The following CCDC178 variants were observed in gnomAD, a reference collection of about 807,000 sequenced individuals.
CCDC178 encodes the protein coiled-coil domain containing 178.
A neutral mutation model predicts 117.4 loss-of-function variants in CCDC178; 126 were observed. The ratio of observed to expected loss-of-function variants is 1.07; its 90% CI spans 0.93 to 1.24. The LOEUF (loss-of-function observed/expected upper bound fraction) is 1.24, where lower values mean the gene tolerates loss of function less well. CCDC178 is among the 50% of genes most tolerant of loss of function. CCDC178 has a pLI of 0.00. For synonymous variants in CCDC178, 283 were observed against 313.4 expected (o/e 0.90, Z 1.02); for missense variants, 1,030 against 986.9 (o/e 1.04, Z -0.59).
chr18:33,304,274 GCCATCACATTGCT>G (rs1249445345), intron 11 of CCDC178, among the ~76,000 whole-genome samples: 23 of 152,082 alleles, frequency 1.5e-4, no homozygotes, highest in Admixed American at 9.2e-4. Context: ...AAATACTTCT[GCCATCACATTGCT>G]GGTTGTTGGC....
intron 20 of CCDC178, among the ~76,000 whole-genome samples, chr18:33,179,074 A>T (rs1598967278): frequency 3.2e-5 from 3 of 93,280 alleles, no homozygotes; most frequent in Admixed American, 2.3e-4. Context: ...AAAAAAAAAA[A>T]AAAAATATAT....
chr18:33,201,900 G>T (rs1209831263), intron 20 of CCDC178, among the ~76,000 whole-genome samples: 1 of 152,120 alleles, frequency 6.6e-6, no homozygotes, highest in Non-Finnish European at 1.5e-5. Context: ...ATAGAAAAGA[G>T]CTGAGAAACA....
intron 5 of CCDC178, among the ~76,000 whole-genome samples, chr18:33,388,537 T>TTTTTTTTTTTTTG (rs2063524675): frequency 8.6e-6 from 1 of 115,850 alleles, no homozygotes; most frequent in African/African-American, 3.3e-5. Context: ...TTTTTTTTTT[T>TTTTTTTTTTTTTG]GAGACGGAGT....
At chr18:32,947,468 C>G (rs1254723522) in intron 22 of CCDC178, among the ~76,000 whole-genome samples, 1 of 152,142 alleles carries the variant, frequency 6.6e-6, no homozygotes, top group East Asian at 1.9e-4. Flanking sequence ...TGTTAAGCAG[C>G]TTTGCATCTA....
intron 21 of CCDC178, among the ~76,000 whole-genome samples, chr18:32,989,974 T>G (rs1052908104): frequency 2.0e-5 from 3 of 151,314 alleles, no homozygotes; most frequent in African/African-American, 7.2e-5. Context: ...AAATCAATTA[T>G]AATTTTATTC....
At chr18:33,242,205 TATCCACCTGCAGA>T (rs1286993135) in intron 15 of CCDC178, among the ~76,000 whole-genome samples, 4 of 151,942 alleles carry the variant, frequency 2.6e-5, no homozygotes, top group African/African-American at 9.6e-5. Flanking sequence ...GAAAACTGGA[TATCCACCTGCAGA>T]AGAATGAAAC....
intron 21 of CCDC178, among the ~76,000 whole-genome samples, chr18:33,029,229 G>C (rs1428867667): frequency 1.3e-5 from 2 of 151,656 alleles, no homozygotes; most frequent in Non-Finnish European, 3.0e-5. Flanking sequence ...AATTTTCTTT[G>C]GTGAGTTTTG....
chr18:33,438,244 A>T (rs577288554), intron 2 of CCDC178, among the ~76,000 whole-genome samples: 47 of 152,264 alleles, frequency 3.1e-4, no homozygotes, highest in Non-Finnish European at 4.6e-4. Context: ...CAGACCAGTC[A>T]CATAAAGTAT....
Position 33,348,953 on chromosome 18 carries a change from C to A in CCDC178, c.394G>T (p.Asp132Tyr). The change falls in exon 8 of 23, where the codon GAC becomes TAC. Residue 132 changes from aspartate to tyrosine, a missense_variant. By Grantham distance (160) the Asp-to-Tyr change is radical. Transcript: ENST00000383096. The stretch of plus-strand genomic sequence containing the variant: ...GTTACACTCCAATCTTCTTTCAGGT[C>A]TTTTGTGGAAGAAGTTCTGCTCCTA... Reference protein sequence around the residue: ...EEWSRTSSTKDLKEDWSVTTP... With the variant: ...EEWSRTSSTKYLKEDWSVTTP... 6.2e-7 allele frequency: 1 copy of A among 1,608,776 alleles called. No homozygotes were observed.
chr18:33,235,626 A>G (rs1232926386), intron 15 of CCDC178, among the ~76,000 whole-genome samples: 1 of 152,180 alleles, frequency 6.6e-6, no homozygotes, highest in Non-Finnish European at 1.5e-5. Flanking sequence ...ACCTGGAACC[A>G]GAGTGACCTG....
At chr18:33,098,251 CTTATTG>C (rs2057571532) in intron 20 of CCDC178, among the ~76,000 whole-genome samples, 1 of 152,050 alleles carries the variant, frequency 6.6e-6, no homozygotes, top group South Asian at 2.1e-4. Context: ...TTACAAATAC[CTTATTG>C]TTAGTACAAT....
At chr18:33,370,295 G>A (rs1361869369) in intron 5 of CCDC178, 106 bp from the exon 6 acceptor site, 1 of 588,512 alleles carries the variant, frequency 1.7e-6, no homozygotes, top group African/African-American at 2.0e-5. Flanking sequence ...AATACTCTTA[G>A]TTTCCTTAAT....
chr18:32,954,310 G>T (rs2144636702), intron 22 of CCDC178, among the ~76,000 whole-genome samples: 1 of 152,152 alleles, frequency 6.6e-6, no homozygotes, highest in Non-Finnish European at 1.5e-5. Flanking sequence ...GTATGATGAT[G>T]AATAAATCAT....
At chr18:33,192,666 C>T (rs772379708) in intron 20 of CCDC178, among the ~76,000 whole-genome samples, 29 of 151,826 alleles carry the variant, frequency 1.9e-4, no homozygotes, top group Non-Finnish European at 2.9e-4. Context: ...TTTGCGAGGC[C>T]GAGGTGGGCG....
At chr18:32,996,216 A>G (rs1160134671) in intron 21 of CCDC178, among the ~76,000 whole-genome samples, 1 of 151,982 alleles carries the variant, frequency 6.6e-6, no homozygotes, top group Non-Finnish European at 1.5e-5. Flanking sequence ...CAACAGCAAG[A>G]AAACCCACTA....
At chr18:33,201,487 C>T (rs1323664072) in intron 20 of CCDC178, among the ~76,000 whole-genome samples, 4 of 152,044 alleles carry the variant, frequency 2.6e-5, no homozygotes, top group Non-Finnish European at 4.4e-5. Flanking sequence ...ACTTTTGAGC[C>T]CCTGTGGAGC....
At chr18:33,169,008 AT>A (rs897614968) in intron 20 of CCDC178, among the ~76,000 whole-genome samples, 68 of 149,254 alleles carry the variant, frequency 4.6e-4, no homozygotes, top group Middle Eastern at 6.9e-3. Context: ...ACAAGGGTAA[AT>A]TTTTTTTTTT....
rs551269199 is a variant in CCDC178, at chr18:33,430,267, G to C, written c.-23+9695C>G. On this transcript the variant is annotated intron_variant, in intron 2 of 22. Coordinates refer to ENST00000383096, the MANE Select transcript of CCDC178 (RefSeq NM_001105528.4). ...CATTATTTTTTGTCAATGTATAACT[G>C]TTCGTTAGCAGTAAATATTATATGA... Among the ~76,000 whole-genome samples the C allele has an allele frequency of 2.6e-5, 4 of 152,234 alleles. No homozygotes were observed. In the East Asian group the frequency reaches 7.7e-4, roughly 29 times the overall value.
chr18:33,381,618 T>C (rs548182973), intron 5 of CCDC178, among the ~76,000 whole-genome samples: 1 of 152,304 alleles, frequency 6.6e-6, no homozygotes, highest in African/African-American at 2.4e-5. Context: ...ACCTTTTTTT[T>C]CCATATACAA....
Sources: gnomAD v4.1 joint callset for allele counts (sites outside exome capture counted in the v4.1 genomes callset) on GRCh38, gnomAD v4.1.1 for gene constraint, MANE v1.5 for transcripts, NCBI Gene and HGNC (gene_info 2026-07-23, HGNC 2026-07-21) for gene names.